NFYC: variants seen among roughly 807,000 people sequenced by gnomAD.
NFYC encodes CAAT box DNA-binding protein subunit C.
Under a neutral mutation model 53.1 loss-of-function variants are expected in NFYC, and 25 were observed. The observed-to-expected ratio is 0.47, with a 90% CI of 0.34 to 0.66. The LOEUF is 0.66. Ranked by LOEUF, NFYC falls within the 30% of genes least tolerant of loss-of-function variation. NFYC has a pLI of 0.01. For synonymous variants in NFYC, 145 were observed against 152.6 expected (o/e 0.95, Z 0.37); for missense variants, 260 against 422.7 (o/e 0.62, Z 3.38).
chr1:40,755,343 A>G lies in NFYC; in HGVS notation c.387+2097A>G, dbSNP rs541740592. Among the ~76,000 whole-genome samples the G allele has an allele frequency of 1.1e-4, 16 of 152,338 alleles. No homozygotes were observed. The South Asian group carries it at 2.9e-3, about 28-fold the overall frequency. On this transcript the variant is annotated intron_variant, in intron 5 of 9. Coordinates refer to ENST00000447388, the MANE Select transcript of NFYC (RefSeq NM_014223.5). ...CAAGTGCCCCATTCTGGATTGATCCAGTCATTAAAGCATTGTTCTGCCACT... is the reference window on the plus strand; with the variant it reads ...CAAGTGCCCCATTCTGGATTGATCCGGTCATTAAAGCATTGTTCTGCCACT...
intron 1 of NFYC, chr1:40,692,243 G>A (rs1642857028): frequency 6.2e-6 from 1 of 160,232 alleles, no homozygotes; most frequent in African/African-American, 2.4e-5. Flanking sequence ...CGCGTCTTGG[G>A]CTAGGGCGGC....
At chr1:40,729,686 T>C (rs1024670243) in intron 1 of NFYC, among the ~76,000 whole-genome samples, 4 of 152,118 alleles carry the variant, frequency 2.6e-5, no homozygotes, top group African/African-American at 9.7e-5. Flanking sequence ...GCTCTTTTTT[T>C]TTTTTTTGAA....
chr1:40,738,974 T>G, intron 2 of NFYC, 26 bp downstream of exon 2: 1 of 1,523,026 alleles, frequency 6.6e-7, no homozygotes, highest in Non-Finnish European at 9.1e-7. Context: ...AAACTTTTAT[T>G]AGAAACTTTT....
At chr1:40,767,022 C>T (rs757300607) in intron 8 of NFYC, 59 of 1,516,480 alleles carry the variant, frequency 3.9e-5, no homozygotes, top group Admixed American at 5.9e-5. Context: ...ATCGCCTGAT[C>T]GTCAGGCTGT....
intron 6 of NFYC, among the ~76,000 whole-genome samples, chr1:40,762,050 G>A (rs16827575): frequency 0.027 from 4,140 of 152,090 alleles, 75 homozygotes; most frequent in Middle Eastern, 0.048. Context: ...CCTTTTGGCA[G>A]CTTGTGTCTT....
chr1:40,718,619 C>T (rs990585489), intron 1 of NFYC, among the ~76,000 whole-genome samples: 1 of 152,162 alleles, frequency 6.6e-6, no homozygotes, highest in Non-Finnish European at 1.5e-5. Flanking sequence ...AAGTAGATAA[C>T]AATTGAGCAC....
chr1:40,747,225 C>T (rs1470467000), intron 2 of NFYC, among the ~76,000 whole-genome samples: 1 of 145,098 alleles, frequency 6.9e-6, no homozygotes, highest in African/African-American at 2.6e-5. Context: ...CTCATAATGT[C>T]CCTCTATGTT....
At chr1:40,746,798 C>T (rs539294110) in intron 2 of NFYC, among the ~76,000 whole-genome samples, 1 of 152,244 alleles carries the variant, frequency 6.6e-6, no homozygotes, top group South Asian at 2.1e-4. Context: ...TCAAAAAAGC[C>T]CTTTCCTAAA....
intron 5 of NFYC, among the ~76,000 whole-genome samples, chr1:40,755,571 T>C (rs140077885): frequency 6.6e-6 from 1 of 152,328 alleles, no homozygotes; most frequent in African/African-American, 2.4e-5. Context: ...CCCATTGAAA[T>C]GTCATTATCT....
rs962582979 is a variant in NFYC, at chr1:40,743,994, C to A, written c.106-3540C>A. Among the ~76,000 whole-genome samples, 4 of 152,184 alleles carry A rather than the reference C, an allele frequency of 2.6e-5. 1 individual carries two copies. The highest frequency in any genetic ancestry group is 9.7e-5 in the African/African-American group (4 of 41,442). ...TTTCAAAAAACATGATGCCAGTACT[C>A]TACCCACTAGAGCAGGGGTCCCCAA... is the stretch of plus-strand genomic sequence containing the variant. On this transcript the variant is annotated intron_variant, in intron 2 of 9. Transcript: ENST00000447388.
At chr1:40,744,623 C>T (rs1286357473) in intron 2 of NFYC, among the ~76,000 whole-genome samples, 2 of 152,136 alleles carry the variant, frequency 1.3e-5, no homozygotes, top group Non-Finnish European at 2.9e-5. Flanking sequence ...TAACGTAGTT[C>T]TTTGGTAGTG....
At chr1:40,744,274 A>G (rs1645499012) in intron 2 of NFYC, among the ~76,000 whole-genome samples, 1 of 152,208 alleles carries the variant, frequency 6.6e-6, no homozygotes, top group Non-Finnish European at 1.5e-5. Context: ...GTCTTGCACA[A>G]AACTGGTTCC....
intron 2 of NFYC, among the ~76,000 whole-genome samples, chr1:40,740,923 A>G (rs1247839532): frequency 7.1e-6 from 1 of 140,832 alleles, no homozygotes; most frequent in Non-Finnish European, 1.6e-5. Context: ...TTGGACTTTG[A>G]TTTTTTTTTT....
intron 2 of NFYC, among the ~76,000 whole-genome samples, 198 bp from the exon 3 acceptor site, chr1:40,747,336 C>G (rs1381966786): frequency 6.7e-6 from 1 of 149,864 alleles, no homozygotes; most frequent in African/African-American, 2.4e-5. Flanking sequence ...CCCATTAATT[C>G]TTTGAAGACC....
At chr1:40,704,996 A>T (rs556987401) in intron 1 of NFYC, among the ~76,000 whole-genome samples, 2 of 152,380 alleles carry the variant, frequency 1.3e-5, no homozygotes, top group Admixed American at 1.3e-4. Flanking sequence ...AAGGAAGTTG[A>T]ATTGGATGAC....
chr1:40,744,774 G>T (rs1435611383), intron 2 of NFYC, among the ~76,000 whole-genome samples: 1 of 152,192 alleles, frequency 6.6e-6, no homozygotes, highest in Non-Finnish European at 1.5e-5. Flanking sequence ...GGAGTTAAAT[G>T]TTACTCACTT....
intron 1 of NFYC, among the ~76,000 whole-genome samples, chr1:40,734,348 A>G (rs1644917671): frequency 7.0e-6 from 1 of 143,250 alleles, no homozygotes; most frequent in South Asian, 2.1e-4. Flanking sequence ...TGCTTTATTT[A>G]TTTATTTATT....
chr1:40,770,230 GA>G lies in NFYC; in HGVS notation c.889-475del, dbSNP rs1647019970. 4 of 711,732 alleles carry G rather than the reference GA, an allele frequency of 5.6e-6. No homozygotes were observed. Among genetic ancestry groups the G allele is most frequent in the Non-Finnish European group, 9.1e-6 (4 of 439,030 alleles). The allele number at this position is 711,732 out of a possible 1,614,324, so 44.1% of individuals were successfully genotyped here. On this transcript the variant is annotated intron_variant, in intron 9 of 9. Coordinates refer to ENST00000447388, the MANE Select transcript of NFYC (RefSeq NM_014223.5). This position sits in a 1 kb window ranked among gnomAD's most constrained non-coding sequence, Gnocchi z 5.3. Reference sequence around the variant, plus strand: ...CCACCTCCTTAGCAGGGTCCATGGAGAAAATTCAAATTCAGTTTAGTTTCAA... The same window carrying G: ...CCACCTCCTTAGCAGGGTCCATGGAGAAATTCAAATTCAGTTTAGTTTCAA...
intron 1 of NFYC, among the ~76,000 whole-genome samples, chr1:40,705,270 G>C (rs1643640538): frequency 6.6e-6 from 1 of 152,180 alleles, no homozygotes. Context: ...TTGTGAACAT[G>C]TTCTCCCTAT....
Sources: allele counts gnomAD v4.1 joint callset (sites outside exome capture counted in the v4.1 genomes callset), GRCh38; gene constraint gnomAD v4.1.1; non-coding constraint Gnocchi (gnomAD v3.1); transcripts MANE v1.5; gene names NCBI Gene and HGNC (gene_info 2026-07-23, HGNC 2026-07-21).